TIMM23B: variants seen among roughly 807,000 people sequenced by gnomAD.
The protein encoded by TIMM23B is mitochondrial import inner membrane translocase subunit Tim23B.
A neutral mutation model predicts 27.3 loss-of-function variants in TIMM23B; 27 were observed. The observed-to-expected ratio is 0.99, with a 90% CI of 0.73 to 1.36. The LOEUF (loss-of-function observed/expected upper bound fraction) is 1.36. Among genes scored for constraint, TIMM23B ranks in the 40% most tolerant of loss-of-function variants. The probability of loss-of-function intolerance (pLI) is 0.00; values close to 1 mark genes in which losing one functional copy is unlikely to be tolerated. For synonymous variants in TIMM23B, 73 were observed against 92.4 expected, an observed-to-expected ratio of 0.79 and a Z score of 1.21; for missense variants, 205 against 244.2, an observed-to-expected ratio of 0.84 and a Z score of 1.07.
chr10:49,946,054 G>C (rs1839347406), intron 2 of TIMM23B, among the ~76,000 whole-genome samples: 1 of 152,138 alleles, frequency 6.6e-6, no homozygotes, highest in Non-Finnish European at 1.5e-5. Flanking sequence ...GCCAGGCGTG[G>C]TGGTGCCTAC....
chr10:49,970,805 G>A (rs1286191662), intron 6 of TIMM23B, among the ~76,000 whole-genome samples: 2 of 152,176 alleles, frequency 1.3e-5, no homozygotes, highest in Admixed American at 6.5e-5. Flanking sequence ...CCCTCTGCCC[G>A]GCCGCCACCC....
intron 6 of TIMM23B, among the ~76,000 whole-genome samples, chr10:49,965,285 C>T (rs1288874324): frequency 6.6e-6 from 1 of 151,364 alleles, no homozygotes; most frequent in Non-Finnish European, 1.5e-5. Context: ...GGGTGGCGCA[C>T]TCCAGCCTGG....
At chr10:49,961,625 G>A (rs1173727258) in intron 6 of TIMM23B, among the ~76,000 whole-genome samples, 4 of 150,706 alleles carry the variant, frequency 2.7e-5, no homozygotes, top group South Asian at 2.1e-4. Flanking sequence ...TTTGAGTTGC[G>A]GTCTTGCTCT....
At chr10:49,951,735 A>T (rs1337356507) in intron 2 of TIMM23B, among the ~76,000 whole-genome samples, 1 of 152,190 alleles carries the variant, frequency 6.6e-6, no homozygotes, top group Admixed American at 6.5e-5. Context: ...TTGGCTTTAT[A>T]CATAGAAAAA....
rs1462682695 is a variant in TIMM23B, at chr10:49,959,648, A to G, written c.514+1168A>G. ...TCCACATACTTGATTTTTTAAGTCAAGGTTTTTATCTTTTTAACATCTAAA... is the reference window on the plus strand; with the variant it reads ...TCCACATACTTGATTTTTTAAGTCAGGGTTTTTATCTTTTTAACATCTAAA... On this transcript the variant is annotated intron_variant, in intron 6 of 6. Coordinates refer to ENST00000651259, the MANE Select transcript of TIMM23B (RefSeq NM_001290117.2). Among the ~76,000 whole-genome samples the G allele has an allele frequency of 2.6e-5, 4 of 152,220 alleles. No individual in the cohort carries two copies. In the South Asian group the frequency reaches 6.2e-4, roughly 24 times the overall value.
chr10:49,948,638 T>TATAAATGGAACA (rs1230670597), intron 2 of TIMM23B, among the ~76,000 whole-genome samples: 3 of 152,160 alleles, frequency 2.0e-5, no homozygotes, highest in African/African-American at 7.2e-5. Flanking sequence ...GTGGTTCCAT[T>TATAAATGGAACA]TATATGGAAT....
chr10:49,957,523 T>C (rs1839767068), intron 5 of TIMM23B, among the ~76,000 whole-genome samples: 1 of 152,152 alleles, frequency 6.6e-6, no homozygotes, highest in Admixed American at 6.5e-5. Flanking sequence ...CCCAGAGTGC[T>C]GGGATTACAG....
chr10:49,968,615 A>T (rs1267763247), intron 6 of TIMM23B, among the ~76,000 whole-genome samples: 1 of 152,216 alleles, frequency 6.6e-6, no homozygotes, highest in Non-Finnish European at 1.5e-5. Context: ...CGGGAGGATC[A>T]CAAGGTCAGG....
intron 1 of TIMM23B, among the ~76,000 whole-genome samples, chr10:49,944,605 A>G (rs1364242128): frequency 1.3e-5 from 2 of 152,102 alleles, no homozygotes; most frequent in East Asian, 1.9e-4. Flanking sequence ...GTTAGATACA[A>G]CATGTACACA....
Position 49,950,491 on chromosome 10 carries a change from T to C in TIMM23B, c.166-1635T>C, listed in dbSNP as rs1466124552. 1.5e-3 allele frequency among the ~76,000 whole-genome samples: 221 copies of C among 151,802 alleles called. 1 individual carries two copies. Among genetic ancestry groups the C allele is most frequent in the Non-Finnish European group, 2.8e-3 (191 of 67,886 alleles). On this transcript the variant is annotated intron_variant, in intron 2 of 6. Coordinates refer to ENST00000651259, the MANE Select transcript of TIMM23B (RefSeq NM_001290117.2). ...ATGAGTTGGTGCTAACGTGCACTTT[T>C]GCTTGCTTGATAATGTTCATCACAG...
At chr10:49,950,917 C>T (rs1221041579) in intron 2 of TIMM23B, among the ~76,000 whole-genome samples, 34 of 151,592 alleles carry the variant, frequency 2.2e-4, no homozygotes, top group African/African-American at 7.6e-4. Flanking sequence ...CAACCATGGC[C>T]TGAGACTGAA....
At chr10:49,964,345 G>C (rs1345551304) in intron 6 of TIMM23B, among the ~76,000 whole-genome samples, 3 of 148,446 alleles carry the variant, frequency 2.0e-5, no homozygotes, top group Non-Finnish European at 4.5e-5. Flanking sequence ...GAAATGATGA[G>C]ATGAAATATG....
intron 6 of TIMM23B, among the ~76,000 whole-genome samples, chr10:49,969,773 C>T (rs531273007): frequency 8.2e-4 from 125 of 151,696 alleles, no homozygotes; most frequent in Non-Finnish European, 1.6e-3. Flanking sequence ...CCTCTCCCCA[C>T]GGTCTCCCTC....
chr10:49,971,060 T>C (rs1840422360), intron 6 of TIMM23B, among the ~76,000 whole-genome samples: 1 of 152,188 alleles, frequency 6.6e-6, no homozygotes, highest in Non-Finnish European at 1.5e-5. Flanking sequence ...ACATGTGCTG[T>C]GTCCACTCAG....
At chr10:49,970,577 TGAG>T (rs1281868031) in intron 6 of TIMM23B, 1 of 150,770 alleles carries the variant, frequency 6.6e-6, no homozygotes, top group Non-Finnish European at 1.4e-5. Flanking sequence ...TTCTGAGAAG[TGAG>T]GAGCCCCTCC....
At position 49,973,060 on chromosome 10, in the gene TIMM23B, C is replaced by T. The variant is rs1554856872; in HGVS notation, c.563C>T (p.Ser188Phe). 11 of 1,533,308 alleles carry T rather than the reference C, an allele frequency of 7.2e-6. No individual in the cohort carries two copies. The highest frequency in any genetic ancestry group is 9.6e-6 in the Non-Finnish European group (11 of 1,146,540). 95.0% of individuals were successfully genotyped at this position (1,533,308 alleles called of 1,614,324 possible). Reference protein sequence around the residue: ...DSPFCVLLSGS With the variant: ...DSPFCVLLSGF ...CCGTTCTGTGTGCTGCTGTCTGGCT[C>T]CTGAACCCAGCTGTAGAGGTGTGTG... The change falls in exon 7 of 7, where the codon TCC (serine) becomes TTC (phenylalanine). Residue 188 changes from serine to phenylalanine, a missense_variant. Transcript: ENST00000651259.
chr10:49,971,536 A>G (rs1554856573), intron 6 of TIMM23B, among the ~76,000 whole-genome samples: 1 of 152,204 alleles, frequency 6.6e-6, no homozygotes, highest in Non-Finnish European at 1.5e-5. Flanking sequence ...TAAAACTTTC[A>G]TCTGTGATCT....
chr10:49,961,604 T>C (rs1311690106), intron 6 of TIMM23B, among the ~76,000 whole-genome samples: 1 of 142,476 alleles, frequency 7.0e-6, no homozygotes, highest in African/African-American at 2.5e-5. Context: ...AATGTTTCCC[T>C]TGTTTTTTTT....
chr10:49,963,661 T>C (rs1840002269), intron 6 of TIMM23B, among the ~76,000 whole-genome samples: 1 of 150,960 alleles, frequency 6.6e-6, no homozygotes, highest in African/African-American at 2.4e-5. Flanking sequence ...GAAACAAAAT[T>C]AAATATGAAA....
Sources: allele counts gnomAD v4.1 joint callset (sites outside exome capture counted in the v4.1 genomes callset), GRCh38; gene constraint gnomAD v4.1.1; transcripts MANE v1.5; gene names NCBI Gene and HGNC (gene_info 2026-07-23, HGNC 2026-07-21).